SHE: variants seen among roughly 807,000 people sequenced by gnomAD.
The protein encoded by SHE is SH2 domain-containing adapter protein E.
In SHE, 11 loss-of-function variants were observed where a neutral mutation model predicts 49.8. That is an observed-to-expected ratio of 0.22 (90% CI 0.14 to 0.37). The LOEUF is 0.37. Among genes scored for constraint, SHE ranks in the 10% least tolerant of loss-of-function variants. The pLI, the probability that SHE is intolerant of heterozygous loss-of-function variation, is 1.00. For missense variants in SHE, 624 were observed against 655.5 expected (o/e 0.95, Z 0.52); for synonymous variants, 310 against 278.1 (o/e 1.11, Z -1.14).
At chr1:154,475,911 G>A (rs1422266367), downstream of SHE, among the ~76,000 whole-genome samples, 1 of 151,522 alleles carries the variant, frequency 6.6e-6, no homozygotes, top group Non-Finnish European at 1.5e-5. Context: ...ATCTGCCTGC[G>A]TTGGCCTCCC....
At chr1:154,471,244 G>A (rs1372607728) in intron 1 of SHE, among the ~76,000 whole-genome samples, 2 of 152,030 alleles carry the variant, frequency 1.3e-5, no homozygotes, top group Non-Finnish European at 2.9e-5. Context: ...AACAGGCCAG[G>A]CGCAGTGGCT....
At chr1:154,498,254 G>A (rs1021214837) in intron 2 of SHE, among the ~76,000 whole-genome samples, 23 of 151,064 alleles carry the variant, frequency 1.5e-4, no homozygotes, top group Admixed American at 5.3e-4. Context: ...CACCATGCCT[G>A]GCTAATTTTG....
chr1:154,490,244 A>G (rs1692322213), intron 2 of SHE, among the ~76,000 whole-genome samples: 1 of 152,272 alleles, frequency 6.6e-6, no homozygotes, highest in Non-Finnish European at 1.5e-5. Flanking sequence ...GAAGTGTTAT[A>G]GGGAAAACCA....
At position 154,501,720 on chromosome 1, in the gene SHE, G is replaced by A. The variant is rs760315561; in HGVS notation, c.307C>T (p.Leu103=). 3.7e-6 allele frequency: 6 copies of A among 1,601,712 alleles called. No homozygotes were observed. The highest frequency in any genetic ancestry group is 4.3e-6 in the Non-Finnish European group (5 of 1,176,212). Residue 103 remains leucine, a synonymous_variant, in exon 1 of 6, where the codon CTG becomes TTG. Transcript: ENST00000304760. ...AGACCCTGCAGGCTGTCGCGGGACA[G>A]CCGGCTGTCCTTGGGGCCGACGCCG... The part of the protein sequence containing the change: ...RAGVGPKDSR[L]SRDSLQGLIQ...
Position 154,481,114 on chromosome 1 carries a change from C to G in SHE, c.*3035G>C. 1.0e-6 allele frequency: 1 copy of G among 985,462 alleles called. No homozygotes were observed. The highest frequency in any genetic ancestry group is 1.2e-6 in the Non-Finnish European group (1 of 829,944). 61.0% of individuals were successfully genotyped at this position (985,462 alleles called of 1,614,324 possible). A position where few individuals can be genotyped will look rare whatever the true frequency, so the allele number is the denominator to read the frequency against. ...GCCAGAGCATTCAGAGCTCAGAGAA[C>G]ATGTCACAGAGCTTCAGATCAGCTG... On this transcript the variant is annotated 3_prime_UTR_variant, in exon 6 of 6. Coordinates refer to ENST00000304760, the MANE Select transcript of SHE (RefSeq NM_001010846.3).
chr1:154,491,087 T>C (rs1362957282), intron 2 of SHE, among the ~76,000 whole-genome samples: 1 of 152,116 alleles, frequency 6.6e-6, no homozygotes, highest in Non-Finnish European at 1.5e-5. Context: ...ATACAGAGTC[T>C]ATATTATAGA....
At chr1:154,491,636 A>G (rs762062951) in intron 2 of SHE, among the ~76,000 whole-genome samples, 31 of 152,356 alleles carry the variant, frequency 2.0e-4, no homozygotes, top group Non-Finnish European at 4.0e-4. Flanking sequence ...AGAGACCACC[A>G]TATCTTGTTT....
chr1:154,489,012 T>C (rs1315436536), intron 3 of SHE, 39 bp downstream of exon 3: 2 of 1,516,888 alleles, frequency 1.3e-6, no homozygotes, highest in Non-Finnish European at 1.8e-6. Flanking sequence ...GCCAGAAGAC[T>C]GAAGTCACAC....
chr1:154,476,210 GT>G (rs1395207386), downstream of SHE, among the ~76,000 whole-genome samples: 1 of 152,148 alleles, frequency 6.6e-6, no homozygotes, highest in African/African-American at 2.4e-5. Flanking sequence ...GCCAGGTATG[GT>G]GGCGCACACC....
At chr1:154,470,484 G>A (rs11265621) in intron 1 of SHE, 608,428 of 980,696 alleles carry the variant, frequency 0.62, 192,870 homozygotes, top group East Asian at 0.74. Flanking sequence ...TACAGGGCAG[G>A]GGCAGGAAAC....
chr1:154,501,823 G>A lies in SHE; in HGVS notation c.204C>T (p.Asn68=), dbSNP rs768378510. The A allele has an allele frequency of 3.2e-6, 5 of 1,550,950 alleles. No homozygotes were observed. The African/African-American group carries it at 6.9e-5, about 21-fold the overall frequency. ...PGGGGGKLRK[N]SEAGGAGPGP... Reference sequence around the variant, plus strand: ...CCGGCCCAGCGCCGCCCGCCTCCGAGTTCTTGCGCAATTTGCCGCCGCCGC... The same window carrying A: ...CCGGCCCAGCGCCGCCCGCCTCCGAATTCTTGCGCAATTTGCCGCCGCCGC... Residue 68 remains asparagine (N), a synonymous_variant, in exon 1 of 6, where the codon AAC becomes AAT. Coordinates refer to ENST00000304760, the MANE Select transcript of SHE (RefSeq NM_001010846.3).
chr1:154,495,996 G>C (rs1692518168), intron 2 of SHE, among the ~76,000 whole-genome samples: 1 of 152,122 alleles, frequency 6.6e-6, no homozygotes, highest in African/African-American at 2.4e-5. Context: ...TTCCGAACTT[G>C]GACTTGACAA....
Position 154,484,163 on chromosome 1 carries a change from T to G in SHE, c.1474A>C (p.Ser492Arg), listed in dbSNP as rs749660788. ...EHMTLLYPVH[S>R]KLH ...GTGGCTGAATCTTAGTGAAGCTTGCTGTGCACTGGGTAGAGTAAAGTCATG... is the reference window on the plus strand; with the variant it reads ...GTGGCTGAATCTTAGTGAAGCTTGCGGTGCACTGGGTAGAGTAAAGTCATG... The change falls in exon 6 of 6, where the codon AGC (serine) becomes CGC (arginine). Residue 492 changes from serine (S) to arginine (R), a missense_variant. Physicochemically the swap from Ser to Arg is moderately radical, Grantham distance 110. This residue lies in a region of SHE where 125 missense variants were observed against 181.7 expected (regional missense o/e 0.69). Transcript: ENST00000304760. The G allele has an allele frequency of 1.5e-5, 24 of 1,613,362 alleles. No individual in the cohort carries two copies. Among genetic ancestry groups the G allele is most frequent in the Non-Finnish European group, 2.0e-5 (24 of 1,179,510 alleles).
intron 2 of SHE, among the ~76,000 whole-genome samples, chr1:154,498,375 C>T (rs942201932): frequency 4.0e-5 from 6 of 150,482 alleles, no homozygotes; most frequent in African/African-American, 9.8e-5. Flanking sequence ...GGATTATAGG[C>T]GTGAGCCACT....
chr1:154,485,877 G>T (rs577271035), intron 5 of SHE, 66 bp downstream of exon 5: 15 of 1,559,684 alleles, frequency 9.6e-6, no homozygotes, highest in South Asian at 5.7e-5. Context: ...TGTTTTTTTT[G>T]ACTAGAAGAC....
Position 154,481,613 on chromosome 1 carries a change from AT to A in SHE, c.*2535del. 1 of 985,082 alleles carries A rather than the reference AT, an allele frequency of 1.0e-6. No homozygotes were observed. Among genetic ancestry groups the A allele is most frequent in the Non-Finnish European group, 1.2e-6 (1 of 829,570 alleles). 61.0% of individuals were successfully genotyped at this position (985,082 alleles called of 1,614,324 possible). ...TATAAAGCTTTTAGCATTTATTAAAATTAGAATAACTGCTGTATTCCCTTTG... is the reference window on the plus strand; with the variant it reads ...TATAAAGCTTTTAGCATTTATTAAAATAGAATAACTGCTGTATTCCCTTTG... On this transcript the variant is annotated 3_prime_UTR_variant, in exon 6 of 6. Transcript: ENST00000304760.
At chr1:154,493,247 A>G (rs1692421310) in intron 2 of SHE, among the ~76,000 whole-genome samples, 1 of 152,208 alleles carries the variant, frequency 6.6e-6, no homozygotes, top group South Asian at 2.1e-4. Flanking sequence ...GGGCTTGAGC[A>G]CAGGCCTCCC....
At chr1:154,477,173 G>C (rs1037770430), downstream of SHE, among the ~76,000 whole-genome samples, 2 of 152,198 alleles carry the variant, frequency 1.3e-5, no homozygotes, top group South Asian at 2.1e-4. Context: ...TGGAGGTGGA[G>C]ATGGATACCG....
chr1:154,501,339 C>T (rs1570867530), intron 1 of SHE, 97 bp downstream of exon 1: 20 of 1,137,918 alleles, frequency 1.8e-5, no homozygotes, highest in East Asian at 7.1e-5. Flanking sequence ...GGAAACCTAT[C>T]CTCACTGCCT....
Sources: gnomAD v4.1 joint callset for allele counts (sites outside exome capture counted in the v4.1 genomes callset) on GRCh38, gnomAD v4.1.1 for gene constraint, gnomAD v4.1.1 regional missense constraint, MANE v1.5 for transcripts, NCBI Gene and HGNC (gene_info 2026-07-23, HGNC 2026-07-21) for gene names.